Variants in HLA-DPA1 observed in about 807,000 individuals in gnomAD.
HLA-DPA1 encodes the protein HLA class II histocompatibility antigen, DP alpha 1 chain.
Under a neutral mutation model 21.5 loss-of-function variants are expected in HLA-DPA1, and 20 were observed. The observed-to-expected ratio is 0.93, with a 90% CI of 0.66 to 1.35. The LOEUF is 1.35. HLA-DPA1 is among the 40% of genes most tolerant of loss of function. The pLI, the probability that HLA-DPA1 is intolerant of heterozygous loss-of-function variation, is 0.00. For missense variants in HLA-DPA1, 279 were observed against 323.0 expected, an observed-to-expected ratio of 0.86 and a Z score of 1.05; for synonymous variants, 123 against 129.6, an observed-to-expected ratio of 0.95 and a Z score of 0.35.
In HLA-DPA1 at chr6:33,080,325, C is replaced by A. The variant is rs3130169; in HGVS notation, c.-100+355G>T. On this transcript the variant is annotated intron_variant, in intron 1 of 5. Transcript: ENST00000419277. This position sits in a 1 kb window ranked among gnomAD's most constrained non-coding sequence, Gnocchi z 4.3. ...CGCCCTCCACGTCCCCAGCTCCTCCCGCCCCTGTTTTTTCTCCCAGTGACC... is the reference window on the plus strand; with the variant it reads ...CGCCCTCCACGTCCCCAGCTCCTCCAGCCCCTGTTTTTTCTCCCAGTGACC... The A allele has an allele frequency of 4.2e-6, 2 of 477,942 alleles. No individual in the cohort carries two copies. The highest frequency in any genetic ancestry group is 8.2e-6 in the Non-Finnish European group (2 of 242,490). The allele number at this position is 477,942 out of a possible 1,614,324, so 29.6% of individuals were successfully genotyped here.
intron 1 of HLA-DPA1, among the ~76,000 whole-genome samples, chr6:33,075,011 GA>G (rs1762468763): frequency 6.6e-6 from 1 of 152,194 alleles, no homozygotes; most frequent in African/African-American, 2.4e-5. Flanking sequence ...TTTGAAATTA[GA>G]ATTGGTGGTC....
chr6:33,072,388 G>T (rs4422658), intron 2 of HLA-DPA1, among the ~76,000 whole-genome samples: 12,223 of 152,162 alleles, frequency 0.08, 1,349 homozygotes, highest in East Asian at 0.54. Context: ...TAAGGTAAAT[G>T]ACATGTTTAA....
At chr6:33,079,433 C>T (rs1009118811) in intron 1 of HLA-DPA1, 6 of 230,644 alleles carry the variant, frequency 2.6e-5, no homozygotes, top group Non-Finnish European at 4.4e-5. Context: ...AGCTGGCAGC[C>T]ATCTCTTCCT....
exon 6 of HLA-DPA1, chr6:33,064,664 A>C (rs1761866613): frequency 6.6e-6 from 1 of 152,222 alleles, no homozygotes; most frequent in Non-Finnish European, 1.5e-5. Context: ...CAGCCTTGGG[A>C]AGGAAGCTCA....
At position 33,080,272 on chromosome 6, in the gene HLA-DPA1, T is replaced by C. The variant is rs1762764778; in HGVS notation, c.-100+408A>G. ...ACTGACATCAGGATGGAAATGTCAGTCAGGGAGTTAAGTAGGGGGAGCAGC... is the reference window on the plus strand; with the variant it reads ...ACTGACATCAGGATGGAAATGTCAGCCAGGGAGTTAAGTAGGGGGAGCAGC... On this transcript the variant is annotated intron_variant, in intron 1 of 5. Transcript: ENST00000419277. This position sits in a 1 kb window ranked among gnomAD's most constrained non-coding sequence, Gnocchi z 4.3. The C allele has an allele frequency of 5.3e-6, 2 of 374,844 alleles. No individual in the cohort carries two copies. Among genetic ancestry groups the C allele is most frequent in the African/African-American group, 4.2e-5 (2 of 47,234 alleles). 23.2% of individuals were successfully genotyped at this position (374,844 alleles called of 1,614,324 possible).
At chr6:33,067,130 G>C (rs192789872) in intron 5 of HLA-DPA1, 1 of 152,200 alleles carries the variant, frequency 6.6e-6, no homozygotes, top group Middle Eastern at 3.2e-3. Context: ...TACAAGCATT[G>C]CTTGCAATAG....
At chr6:33,067,533 C>A (rs1213859635) in intron 5 of HLA-DPA1, 1 of 151,992 alleles carries the variant, frequency 6.6e-6, no homozygotes, top group Non-Finnish European at 1.5e-5. Flanking sequence ...ATCTGTGAGC[C>A]ATTTAAAGCT....
intron 3 of HLA-DPA1, 149 bp downstream of exon 2, chr6:33,069,492 C>T (rs1023804379): frequency 1.4e-5 from 16 of 1,123,208 alleles, no homozygotes; most frequent in Admixed American, 4.1e-5. Flanking sequence ...AGGATGCAAG[C>T]CCTTGCTGTA....
At chr6:33,079,777 A>G in intron 1 of HLA-DPA1, 1 of 486,842 alleles carries the variant, frequency 2.1e-6, no homozygotes, top group Non-Finnish European at 4.1e-6. Flanking sequence ...CCAGAACTGC[A>G]AAGTCATCAT....
At chr6:33,074,694 C>T (rs765606142) in intron 1 of HLA-DPA1, among the ~76,000 whole-genome samples, 4 of 152,176 alleles carry the variant, frequency 2.6e-5, no homozygotes, top group Admixed American at 6.5e-5. Context: ...GCTTTGCATG[C>T]ATTACCTCAT....
intron 1 of HLA-DPA1, among the ~76,000 whole-genome samples, chr6:33,078,196 G>T (rs549264963): frequency 5.9e-5 from 9 of 152,290 alleles, no homozygotes; most frequent in Admixed American, 2.6e-4. Context: ...GACGGGCAAA[G>T]GCTGGGTTGA....
chr6:33,078,799 G>C (rs1762686683), intron 1 of HLA-DPA1, among the ~76,000 whole-genome samples: 1 of 152,178 alleles, frequency 6.6e-6, no homozygotes, highest in African/African-American at 2.4e-5. Context: ...ATTCTTGAAT[G>C]AAAAACGTTC....
rs151169397 is a variant in HLA-DPA1, at chr6:33,071,401, T to A, written c.101-1515A>T. Among the ~76,000 whole-genome samples, 530 of 152,324 alleles carry A rather than the reference T, an allele frequency of 3.5e-3. 2 individuals carry two copies. Among genetic ancestry groups the A allele is most frequent in the East Asian group, 0.025 (131 of 5,180 alleles). ...AGACACAAAGTCCTCTAGCAGTTAT[T>A]GGAAACTCATCTTCTTAATACATGA... On this transcript the variant is annotated intron_variant, in intron 2 of 5. Transcript: ENST00000419277.
Position 33,080,689 on chromosome 6 carries a change from G to T in HLA-DPA1, c.-109C>A, listed in dbSNP as rs1126511. 349,354 of 1,605,114 alleles carry T rather than the reference G, an allele frequency of 0.22. 39,608 individuals are homozygous for T. Among genetic ancestry groups the T allele is most frequent in the South Asian group, 0.29 (26,585 of 90,890 alleles). ...CCCCGCAGAGAATTACCTTTTCCAG[G>T]GACGGCAGGAATGCTACGCGTTTAA... On this transcript the variant is annotated 5_prime_UTR_variant, in exon 1 of 6. Transcript: ENST00000419277. The surrounding 1 kb of genome is among the most constrained non-coding windows in gnomAD (Gnocchi z 4.3).
Position 33,074,134 on chromosome 6 carries a change from A to T in HLA-DPA1, c.-99-465T>A, listed in dbSNP as rs142146714. ...CTTTTTATTTAATCATTTCTGCAGAAGTGTTATAATTTCTATTTAGAGGTT... is the reference window on the plus strand; with the variant it reads ...CTTTTTATTTAATCATTTCTGCAGATGTGTTATAATTTCTATTTAGAGGTT... On this transcript the variant is annotated intron_variant, in intron 1 of 5. Transcript: ENST00000419277. Among the ~76,000 whole-genome samples the T allele has an allele frequency of 6.5e-3, 983 of 152,294 alleles. 8 individuals carry two copies. The highest frequency in any genetic ancestry group is 0.013 in the African/African-American group (525 of 41,534).
chr6:33,076,069 C>A (rs763314196), intron 1 of HLA-DPA1: 7 of 1,612,584 alleles, frequency 4.3e-6, no homozygotes, highest in Non-Finnish European at 5.9e-6. Flanking sequence ...TTCTGCGGCC[C>A]CCCGGACAGT....
exon 4 of HLA-DPA1, chr6:33,069,073 A>G: frequency 1.9e-6 from 3 of 1,613,056 alleles, no homozygotes; most frequent in Non-Finnish European, 2.5e-6. Context: ...CTGCAGTCAT[A>G]GAAGTCCTCT....
rs569064724 is a variant in HLA-DPA1 at position 33,068,417 on chromosome 6, C to T, written c.*12+221G>A. The stretch of plus-strand genomic sequence containing the variant: ...TGTGAAATAGTGAAAATAATAGTAC[C>T]TACCTCAAAGACTATGTGTGAGAAT... On this transcript the variant is annotated intron_variant, in intron 5 of 5. Coordinates refer to ENST00000419277, the Ensembl canonical transcript of HLA-DPA1. 4.2e-4 allele frequency: 198 copies of T among 466,402 alleles called. 1 individual carries two copies. The East Asian group carries it at 6.5e-3, about 15-fold the overall frequency. 28.9% of individuals were successfully genotyped at this position (466,402 alleles called of 1,614,324 possible). A position where few individuals can be genotyped will look rare whatever the true frequency, so the allele number is the denominator to read the frequency against.
At chr6:33,066,769 G>C (rs1421979251) in intron 5 of HLA-DPA1, 1 of 152,280 alleles carries the variant, frequency 6.6e-6, no homozygotes, top group East Asian at 1.9e-4. Flanking sequence ...AATGTGAACA[G>C]GCAATTTATA....
Sources: gnomAD v4.1 joint callset for allele counts (sites outside exome capture counted in the v4.1 genomes callset) on GRCh38, gnomAD v4.1.1 for gene constraint, Gnocchi (gnomAD v3.1) non-coding constraint, MANE v1.5 for transcripts, NCBI Gene and HGNC (gene_info 2026-07-23, HGNC 2026-07-21) for gene names.